DCAF10: variants seen among roughly 807,000 people sequenced by gnomAD.
The protein encoded by DCAF10 is DDB1- and CUL4-associated factor 10.
In DCAF10, 19 loss-of-function variants were observed where a neutral mutation model predicts 51.9. The observed-to-expected ratio is 0.37, with a 90% confidence interval of 0.26 to 0.54. The LOEUF is 0.54. Among genes scored for constraint, DCAF10 ranks in the 20% least tolerant of loss-of-function variants. The probability of loss-of-function intolerance (pLI) is 0.87; values close to 1 mark genes in which losing one functional copy is unlikely to be tolerated. For synonymous variants in DCAF10, 291 were observed against 297.1 expected, an observed-to-expected ratio of 0.98 and a Z score of 0.21; for missense variants, 510 against 730.6, an observed-to-expected ratio of 0.70 and a Z score of 3.48.
intron 3 of DCAF10, among the ~76,000 whole-genome samples, chr9:37,843,960 AAAAC>A (rs1414060554): frequency 2.0e-5 from 3 of 152,368 alleles, no homozygotes; most frequent in East Asian, 1.9e-4. Flanking sequence ...AGGATGAGAA[AAAAC>A]AAACAATTAT....
At chr9:37,839,316 T>C (rs1212693304) in intron 2 of DCAF10, among the ~76,000 whole-genome samples, 1 of 152,112 alleles carries the variant, frequency 6.6e-6, no homozygotes, top group Non-Finnish European at 1.5e-5. Context: ...CGCCTCAGCC[T>C]CTCAAAGTGC....
Position 37,800,938 on chromosome 9 carries a change from C to G in DCAF10, c.72C>G (p.Pro24=), listed in dbSNP as rs1319488949. The G allele has an allele frequency of 3.3e-6, 5 of 1,497,176 alleles. No homozygotes were observed. The highest frequency in any genetic ancestry group is 4.4e-6 in the Non-Finnish European group (5 of 1,130,472). 92.7% of individuals were successfully genotyped at this position (1,497,176 alleles called of 1,614,324 possible). ...SAGAGAEEPT[P]HEGQAAATGP... ...GAGCCGGGGCTGAGGAGCCGACGCC[C>G]CACGAGGGGCAGGCAGCAGCCACCG... Residue 24 remains proline (P), a synonymous_variant, in exon 1 of 7, where the codon CCC becomes CCG. Transcript: ENST00000377724.
chr9:37,803,247 G>A (rs1157733206), intron 1 of DCAF10, among the ~76,000 whole-genome samples: 2 of 152,180 alleles, frequency 1.3e-5, no homozygotes, highest in East Asian at 1.9e-4. Flanking sequence ...GGATATCTAA[G>A]GAAATTTTTA....
At chr9:37,808,010 G>A (rs189474550) in intron 1 of DCAF10, among the ~76,000 whole-genome samples, 31 of 152,074 alleles carry the variant, frequency 2.0e-4, no homozygotes, top group East Asian at 1.9e-3. Context: ...TGTAACAGCC[G>A]CTTCATCCTT....
chr9:37,866,420 C>T lies in DCAF10; in HGVS notation c.*4912C>T, dbSNP rs1050965358. ...ATATGTTATAAAGTGATTCTCTCAGCCCTGAGGTATACAGAATCATTTGCC... is the reference window on the plus strand; with the variant it reads ...ATATGTTATAAAGTGATTCTCTCAGTCCTGAGGTATACAGAATCATTTGCC... On this transcript the variant is annotated 3_prime_UTR_variant, in exon 7 of 7. Coordinates refer to ENST00000377724, the MANE Select transcript of DCAF10 (RefSeq NM_024345.5). The T allele has an allele frequency of 2.6e-5, 4 of 152,362 alleles. No homozygotes were observed. The highest frequency in any genetic ancestry group is 2.1e-4 in the South Asian group (1 of 4,838). The allele number at this position is 152,362 out of a possible 1,614,324, so 9.4% of individuals were successfully genotyped here.
chr9:37,854,819 C>T lies in DCAF10; in HGVS notation c.891C>T (p.His297=). 1 of 1,614,022 alleles carries T rather than the reference C, an allele frequency of 6.2e-7. No homozygotes were observed. ...EDGCPHKKFF[H]TRFLMRMRLT... ...GGTGTCCACATAAGAAATTCTTTCACACACGTTTTCTCATGCGAATGAGGT... is the reference window on the plus strand; with the variant it reads ...GGTGTCCACATAAGAAATTCTTTCATACACGTTTTCTCATGCGAATGAGGT... The change falls in exon 4 of 7, where the codon CAC becomes CAT. Residue 297 remains histidine, a synonymous_variant. Coordinates refer to ENST00000377724, the MANE Select transcript of DCAF10 (RefSeq NM_024345.5).
chr9:37,848,220 A>G (rs1322530176), intron 3 of DCAF10, among the ~76,000 whole-genome samples: 1 of 152,230 alleles, frequency 6.6e-6, no homozygotes, highest in African/African-American at 2.4e-5. Context: ...CCACTCCTAG[A>G]TATCTATTCA....
intron 5 of DCAF10, among the ~76,000 whole-genome samples, chr9:37,859,639 C>T (rs1360572953): frequency 6.6e-6 from 1 of 152,132 alleles, no homozygotes; most frequent in Non-Finnish European, 1.5e-5. Context: ...CTTCTCTGGA[C>T]CAGAAAGCAC....
chr9:37,860,990 G>T, intron 6 of DCAF10, 150 bp from the exon 7 acceptor site: 1 of 1,095,716 alleles, frequency 9.1e-7, no homozygotes, highest in Non-Finnish European at 1.3e-6. Context: ...TACAAGTTTT[G>T]TTAGTTGGGA....
intron 2 of DCAF10, among the ~76,000 whole-genome samples, chr9:37,828,813 A>G (rs1829928135): frequency 6.6e-6 from 1 of 152,210 alleles, no homozygotes; most frequent in South Asian, 2.1e-4. Flanking sequence ...ATAGAATAAA[A>G]TTAGATCTCT....
At chr9:37,848,651 G>A (rs1417671047) in intron 3 of DCAF10, among the ~76,000 whole-genome samples, 1 of 152,068 alleles carries the variant, frequency 6.6e-6, no homozygotes, top group African/African-American at 2.4e-5. Flanking sequence ...GTTGATGATT[G>A]CACAGCTCTG....
intron 2 of DCAF10, among the ~76,000 whole-genome samples, chr9:37,834,290 T>C (rs1041200048): frequency 1.3e-5 from 2 of 152,166 alleles, no homozygotes; most frequent in Non-Finnish European, 2.9e-5. Context: ...TATCAAAGTT[T>C]TTAATAAGTA....
chr9:37,836,056 T>C, intron 2 of DCAF10: 1 of 1,122,224 alleles, frequency 8.9e-7, no homozygotes, highest in East Asian at 2.4e-5. Context: ...AAGGCTGTAT[T>C]GGACAGTTAT....
Position 37,861,820 on chromosome 9 carries a change from A to T in DCAF10, c.*312A>T. ...CACGTTCCTTCCTTCCTCACTCTCT[A>T]TTTCTCTTTCCCTCTCCCTGTCCCT... On this transcript the variant is annotated 3_prime_UTR_variant, in exon 7 of 7. Transcript: ENST00000377724. The surrounding 1 kb of genome is among the most constrained non-coding windows in gnomAD (Gnocchi z 4.9). 1 of 238,916 alleles carries T rather than the reference A, an allele frequency of 4.2e-6. No homozygotes were observed. Among genetic ancestry groups the T allele is most frequent in the Non-Finnish European group, 8.3e-6 (1 of 121,090 alleles). The allele number at this position is 238,916 out of a possible 1,614,324, so 14.8% of individuals were successfully genotyped here.
chr9:37,823,610 T>C (rs1829769224), intron 2 of DCAF10, among the ~76,000 whole-genome samples: 1 of 151,904 alleles, frequency 6.6e-6, no homozygotes, highest in South Asian at 2.1e-4. Flanking sequence ...GGGGGGTACA[T>C]GTAAAACAAA....
chr9:37,836,187 G>C (rs2117989436), intron 2 of DCAF10: 1 of 1,462,720 alleles, frequency 6.8e-7, no homozygotes, highest in Non-Finnish European at 9.6e-7. Context: ...GAAGCACGGA[G>C]TTCAGTATGA....
chr9:37,803,811 A>G (rs1829029622), intron 1 of DCAF10, among the ~76,000 whole-genome samples: 1 of 151,224 alleles, frequency 6.6e-6, no homozygotes. Flanking sequence ...ACCCTCAAGG[A>G]CTTCTCAATA....
intron 2 of DCAF10, among the ~76,000 whole-genome samples, chr9:37,830,898 G>A (rs915956188): frequency 6.6e-6 from 1 of 152,158 alleles, no homozygotes; most frequent in African/African-American, 2.4e-5. Context: ...TAGAGAAATC[G>A]ATTTTGAAGC....
intron 3 of DCAF10, among the ~76,000 whole-genome samples, chr9:37,851,614 G>A (rs1830653222): frequency 6.6e-6 from 1 of 151,450 alleles, no homozygotes; most frequent in African/African-American, 2.4e-5. Context: ...GGTCAACATG[G>A]TAAAACCCCA....
Sources: gnomAD v4.1 joint callset for allele counts (sites outside exome capture counted in the v4.1 genomes callset) on GRCh38, gnomAD v4.1.1 for gene constraint, Gnocchi (gnomAD v3.1) non-coding constraint, MANE v1.5 for transcripts, NCBI Gene and HGNC (gene_info 2026-07-23, HGNC 2026-07-21) for gene names.